The following CCDC85A variants were observed in gnomAD, a reference collection of about 807,000 sequenced individuals.
The protein encoded by CCDC85A is coiled-coil domain containing 85A, also known as coiled-coil domain-containing protein 85A.
A neutral mutation model predicts 50.2 loss-of-function variants in CCDC85A; 38 were observed. The observed-to-expected ratio is 0.76, with a 90% CI of 0.58 to 0.99. CCDC85A has a LOEUF of 0.99. Among genes scored for constraint, CCDC85A ranks in the 50% least tolerant of loss-of-function variants. The pLI is 0.00. For synonymous variants in CCDC85A, 366 were observed against 301.4 expected (o/e 1.21, Z -2.22); for missense variants, 820 against 742.0 (o/e 1.11, Z -1.22).
chr2:56,216,842 G>A (rs1393270387), intron 2 of CCDC85A, among the ~76,000 whole-genome samples: 1 of 149,636 alleles, frequency 6.7e-6, no homozygotes, highest in East Asian at 2.0e-4. Flanking sequence ...CTGTTTCATT[G>A]TGTTTTTCTT....
chr2:56,183,945 C>T (rs1392728452), upstream of CCDC85A: 1 of 985,268 alleles, frequency 1.0e-6, no homozygotes, highest in East Asian at 1.1e-4. Flanking sequence ...TACGGGTGGC[C>T]CCAGCTCCAG....
chr2:56,365,828 C>T (rs1675764512), intron 3 of CCDC85A, among the ~76,000 whole-genome samples: 2 of 152,242 alleles, frequency 1.3e-5, no homozygotes, highest in African/African-American at 4.8e-5. Flanking sequence ...TGACTATAGT[C>T]ACCATGCTGT....
rs771795319 is a variant in CCDC85A, at chr2:56,193,279, A to T, written c.1079A>T (p.Glu360Val). ...HLPRARGTSP[E>V]HLKQHYGGSP... ...CCCAGAGCCAGGGGCACCAGCCCGG[A>T]GCACCTCAAACAACATTATGGAGGG... is the stretch of plus-strand genomic sequence containing the variant. The change falls in exon 2 of 6, where the codon GAG (glutamate) becomes GTG (valine). Residue 360 changes from glutamate to valine, a missense_variant. Glu to Val is a moderately radical substitution (Grantham distance 121). Coordinates refer to ENST00000407595, the MANE Select transcript of CCDC85A (RefSeq NM_001080433.2). The T allele has an allele frequency of 6.2e-7, 1 of 1,613,894 alleles. No homozygotes were observed. Among genetic ancestry groups the T allele is most frequent in the Admixed American group, 1.7e-5 (1 of 59,998 alleles).
At chr2:56,296,319 T>C (rs1009427126) in intron 2 of CCDC85A, among the ~76,000 whole-genome samples, 1 of 152,186 alleles carries the variant, frequency 6.6e-6, no homozygotes, top group Non-Finnish European at 1.5e-5. Context: ...TGTGCCAGGA[T>C]GTTATGAAAT....
At chr2:56,202,927 T>C (rs1676803624) in intron 2 of CCDC85A, among the ~76,000 whole-genome samples, 1 of 152,186 alleles carries the variant, frequency 6.6e-6, no homozygotes, top group Non-Finnish European at 1.5e-5. Context: ...ATGGATTAGA[T>C]GTGATTTAAC....
At chr2:56,268,455 A>C in intron 2 of CCDC85A, among the ~76,000 whole-genome samples, 1 of 151,874 alleles carries the variant, frequency 6.6e-6, no homozygotes, top group East Asian at 1.9e-4. Flanking sequence ...ATTAGCCAAG[A>C]GTGGTGGCGG....
intron 2 of CCDC85A, among the ~76,000 whole-genome samples, chr2:56,299,235 G>T (rs1017105669): frequency 1.3e-5 from 2 of 152,090 alleles, no homozygotes; most frequent in Non-Finnish European, 2.9e-5. Context: ...TGGTAACTAC[G>T]ATAACTGCAG....
At chr2:56,214,386 C>G (rs187555731) in intron 2 of CCDC85A, among the ~76,000 whole-genome samples, 2 of 151,988 alleles carry the variant, frequency 1.3e-5, no homozygotes, top group African/African-American at 4.8e-5. Context: ...TTTGAGTTAT[C>G]AGGATTTTCC....
At chr2:56,322,122 C>A (rs1434580880) in intron 2 of CCDC85A, among the ~76,000 whole-genome samples, 1 of 152,132 alleles carries the variant, frequency 6.6e-6, no homozygotes, top group African/African-American at 2.4e-5. Context: ...CCCTTCCTTA[C>A]ACCTTATACA....
intron 3 of CCDC85A, among the ~76,000 whole-genome samples, chr2:56,363,404 C>T (rs1675632961): frequency 1.3e-5 from 2 of 152,148 alleles, no homozygotes; most frequent in Non-Finnish European, 2.9e-5. Context: ...GATCTTTCAG[C>T]AGGTGGCATG....
At chr2:56,364,023 A>G (rs1335538221) in intron 3 of CCDC85A, among the ~76,000 whole-genome samples, 1 of 152,228 alleles carries the variant, frequency 6.6e-6, no homozygotes, top group East Asian at 1.9e-4. Context: ...CTTTTTCTGT[A>G]GGAATTTCAG....
At chr2:56,296,564 T>C (rs553099390) in intron 2 of CCDC85A, among the ~76,000 whole-genome samples, 9 of 152,154 alleles carry the variant, frequency 5.9e-5, no homozygotes, top group African/African-American at 1.7e-4. Flanking sequence ...GAAAGGAATT[T>C]TGGCGGCTTT....
intron 2 of CCDC85A, among the ~76,000 whole-genome samples, chr2:56,295,658 A>G (rs895609042): frequency 2.0e-5 from 3 of 152,186 alleles, no homozygotes; most frequent in African/African-American, 7.2e-5. Context: ...GCCACTCACT[A>G]TCATTCCAGA....
At chr2:56,304,932 AAAC>A in intron 2 of CCDC85A, among the ~76,000 whole-genome samples, 2 of 138,380 alleles carry the variant, frequency 1.4e-5, no homozygotes, top group Non-Finnish European at 1.5e-5. Context: ...ACAAACAAAC[AAAC>A]AAAAAAACAA....
At chr2:56,290,554 A>G (rs1034565364) in intron 2 of CCDC85A, among the ~76,000 whole-genome samples, 9 of 152,170 alleles carry the variant, frequency 5.9e-5, no homozygotes, top group Non-Finnish European at 5.9e-5. Context: ...TAATAACATC[A>G]CTAGTGGTGA....
intron 3 of CCDC85A, among the ~76,000 whole-genome samples, chr2:56,350,072 GTTC>G (rs1291378454): frequency 1.4e-5 from 2 of 147,584 alleles, no homozygotes; most frequent in Non-Finnish European, 3.0e-5. Context: ...ATGCTTTTCT[GTTC>G]TTCTTTTGCT....
intron 2 of CCDC85A, among the ~76,000 whole-genome samples, chr2:56,253,622 A>T (rs188160849): frequency 3.3e-5 from 5 of 152,318 alleles, no homozygotes; most frequent in East Asian, 1.9e-4. Flanking sequence ...AAGACTAGTT[A>T]AAAAAGTTAT....
chr2:56,223,397 C>T (rs927564939), intron 2 of CCDC85A, among the ~76,000 whole-genome samples: 3 of 152,126 alleles, frequency 2.0e-5, no homozygotes, highest in Admixed American at 6.5e-5. Flanking sequence ...TCCAATAAAA[C>T]TTCATTTACA....
At chr2:56,258,072 G>T (rs2104013228) in intron 2 of CCDC85A, among the ~76,000 whole-genome samples, 1 of 152,282 alleles carries the variant, frequency 6.6e-6, no homozygotes, top group East Asian at 1.9e-4. Context: ...GTGTTGACTT[G>T]GTAACTGTAC....
Sources: gnomAD v4.1 joint callset for allele counts (sites outside exome capture counted in the v4.1 genomes callset) on GRCh38, gnomAD v4.1.1 for gene constraint, MANE v1.5 for transcripts, NCBI Gene and HGNC (gene_info 2026-07-23, HGNC 2026-07-21) for gene names.